The following TBC1D22A variants were observed in gnomAD, a reference collection of about 807,000 sequenced individuals.
TBC1D22A encodes putative GTPase activator.
Under a neutral mutation model 60.2 loss-of-function variants are expected in TBC1D22A, and 38 were observed. The observed-to-expected ratio is 0.63, with a 90% CI of 0.49 to 0.83. The LOEUF (loss-of-function observed/expected upper bound fraction) is 0.83, where lower values mean the gene tolerates loss of function less well. TBC1D22A is among the 40% of genes least tolerant of loss of function. The probability of loss-of-function intolerance (pLI) is 0.00; values close to 1 mark genes in which losing one functional copy is unlikely to be tolerated. For missense variants in TBC1D22A, 628 were observed against 701.0 expected (o/e 0.90, Z 1.18); for synonymous variants, 302 against 281.7 (o/e 1.07, Z -0.72).
chr22:46,905,845 A>G (rs919674836), intron 7 of TBC1D22A, among the ~76,000 whole-genome samples: 1 of 152,150 alleles, frequency 6.6e-6, no homozygotes, highest in Admixed American at 6.5e-5. Context: ...CGTGTCCCAG[A>G]CGTTCTCTGT....
At chr22:46,872,742 T>C (rs1222733694) in intron 4 of TBC1D22A, among the ~76,000 whole-genome samples, 1 of 151,662 alleles carries the variant, frequency 6.6e-6, no homozygotes, top group Non-Finnish European at 1.5e-5. Context: ...TGGAGCAGAG[T>C]GTTGGAGAGG....
chr22:47,053,067 G>C (rs539806149), intron 11 of TBC1D22A, among the ~76,000 whole-genome samples: 1 of 152,270 alleles, frequency 6.6e-6, no homozygotes, highest in East Asian at 1.9e-4. Flanking sequence ...CCTTCACTGT[G>C]TGTGAGTGCT....
intron 1 of TBC1D22A, chr22:46,763,842 C>G (rs1284521653): frequency 1.3e-5 from 2 of 152,176 alleles, no homozygotes; most frequent in Non-Finnish European, 1.5e-5. Flanking sequence ...CGCCTGTAAT[C>G]CCAGCACTTT....
intron 11 of TBC1D22A, among the ~76,000 whole-genome samples, chr22:47,092,564 C>T (rs535978495): frequency 6.6e-6 from 1 of 152,200 alleles, no homozygotes; most frequent in African/African-American, 2.4e-5. Context: ...GGGGTGAGCC[C>T]GTGTGTATGT....
intron 11 of TBC1D22A, among the ~76,000 whole-genome samples, chr22:47,076,353 ATGTGTGTG>A (rs1288517301): frequency 1.9e-5 from 2 of 107,774 alleles, no homozygotes; most frequent in Non-Finnish European, 3.8e-5. Flanking sequence ...ATATATATAT[ATGTGTGTG>A]TATATATATA....
intron 4 of TBC1D22A, among the ~76,000 whole-genome samples, chr22:46,826,832 C>T (rs775717745): frequency 6.6e-6 from 1 of 152,222 alleles, no homozygotes; most frequent in African/African-American, 2.4e-5. Context: ...CAGACGCTTG[C>T]CCCATCCAGA....
rs147775396 is a variant in TBC1D22A at position 46,984,810 on chromosome 22, C to T, written c.1125+10411C>T. Among the ~76,000 whole-genome samples, 1,117 of 152,336 alleles carry T rather than the reference C, an allele frequency of 7.3e-3. 15 individuals carry two copies. The highest frequency in any genetic ancestry group is 0.01 in the Non-Finnish European group (696 of 68,038). ...ACTCCTTTAGAGAAAGGTCAGGAAA[C>T]GGCCAGGCCCATGACTCGGGGTGGA... On this transcript the variant is annotated intron_variant, in intron 9 of 12. Coordinates refer to ENST00000337137, the MANE Select transcript of TBC1D22A (RefSeq NM_014346.5).
intron 8 of TBC1D22A, among the ~76,000 whole-genome samples, chr22:46,932,998 C>A (rs993297875): frequency 6.6e-6 from 1 of 152,184 alleles, no homozygotes; most frequent in Non-Finnish European, 1.5e-5. Flanking sequence ...GCTGGGATGA[C>A]AGGCGTGAGC....
chr22:46,793,783 C>A lies in TBC1D22A; in HGVS notation c.402C>A (p.Pro134=), dbSNP rs775180897. 8.1e-6 allele frequency: 13 copies of A among 1,601,372 alleles called. No individual in the cohort carries two copies. The East Asian group carries it at 1.4e-4, about 17-fold the overall frequency. The change falls in exon 3 of 13, where the codon CCC becomes CCA. Residue 134 remains proline, a synonymous_variant. Transcript: ENST00000337137. ...PRPEAEPPSP[P]SGDLRLVKSV... ...CCGAGGCAGAGCCGCCCTCACCCCC[C>A]AGCGGCGACCTCCGGCTGGTGAAGT...
chr22:47,110,785 G>A (rs2065817394), intron 11 of TBC1D22A, among the ~76,000 whole-genome samples: 1 of 152,210 alleles, frequency 6.6e-6, no homozygotes, highest in South Asian at 2.1e-4. Flanking sequence ...GCAGTTGGCC[G>A]TGCGTGCTTG....
chr22:47,167,072 G>A (rs1404372592), intron 12 of TBC1D22A, among the ~76,000 whole-genome samples: 1 of 152,236 alleles, frequency 6.6e-6, no homozygotes, highest in Non-Finnish European at 1.5e-5. Context: ...ATTTTGAAAA[G>A]ATTAGAATTT....
At chr22:47,110,472 C>T (rs538284950) in intron 11 of TBC1D22A, among the ~76,000 whole-genome samples, 40 of 152,150 alleles carry the variant, frequency 2.6e-4, no homozygotes, top group Non-Finnish European at 5.0e-4. Context: ...GAGCGAAATT[C>T]CATCTCAATA....
At chr22:47,033,988 G>A (rs1193219728) in intron 10 of TBC1D22A, among the ~76,000 whole-genome samples, 1 of 152,214 alleles carries the variant, frequency 6.6e-6, no homozygotes, top group African/African-American at 2.4e-5. Context: ...CGAGGGATGA[G>A]CAGCCGTGGG....
intron 4 of TBC1D22A, among the ~76,000 whole-genome samples, chr22:46,850,476 T>C (rs2087221449): frequency 6.6e-6 from 1 of 152,154 alleles, no homozygotes; most frequent in African/African-American, 2.4e-5. Flanking sequence ...TTGTACCCAC[T>C]AGGATGATTA....
intron 4 of TBC1D22A, among the ~76,000 whole-genome samples, chr22:46,866,250 G>A (rs140109892): frequency 0.021 from 3,163 of 152,200 alleles, 121 homozygotes; most frequent in African/African-American, 0.072. Flanking sequence ...GACTACAGGC[G>A]TGTGCCACCA....
Position 46,793,815 on chromosome 22 carries a change from G to T in TBC1D22A, c.434G>T (p.Ser145Ile). Reference protein sequence around the residue: ...SGDLRLVKSVSESHTSCPAES... With the variant: ...SGDLRLVKSVIESHTSCPAES... ...GACCTCCGGCTGGTGAAGTCGGTCA[G>T]TGAGAGCCACACGTCCTGTCCTGCA... is the stretch of plus-strand genomic sequence containing the variant. The change falls in exon 3 of 13, where the codon AGT becomes ATT. Residue 145 changes from serine (S) to isoleucine (I), a missense_variant. Coordinates refer to ENST00000337137, the MANE Select transcript of TBC1D22A (RefSeq NM_014346.5). The T allele has an allele frequency of 6.3e-7, 1 of 1,592,768 alleles. No individual in the cohort carries two copies. Among genetic ancestry groups the T allele is most frequent in the Non-Finnish European group, 8.5e-7 (1 of 1,170,202 alleles).
At chr22:47,148,905 C>T (rs903791206) in intron 12 of TBC1D22A, among the ~76,000 whole-genome samples, 11 of 149,108 alleles carry the variant, frequency 7.4e-5, no homozygotes, top group South Asian at 6.2e-4. Flanking sequence ...CTAGCCACAG[C>T]TTCCCATGTG....
At chr22:46,912,651 G>A (rs1191652565) in intron 8 of TBC1D22A, among the ~76,000 whole-genome samples, 1 of 152,162 alleles carries the variant, frequency 6.6e-6, no homozygotes, top group East Asian at 1.9e-4. Flanking sequence ...CTGCCTCCCG[G>A]GTTCAAGTGA....
intron 10 of TBC1D22A, among the ~76,000 whole-genome samples, chr22:47,032,804 G>C (rs895835234): frequency 1.3e-5 from 2 of 152,240 alleles, no homozygotes; most frequent in Non-Finnish European, 2.9e-5. Context: ...GCACCCACTT[G>C]CTGCAGCCCA....
Sources: allele counts gnomAD v4.1 joint callset (sites outside exome capture counted in the v4.1 genomes callset), GRCh38; gene constraint gnomAD v4.1.1; transcripts MANE v1.5; gene names NCBI Gene and HGNC (gene_info 2026-07-23, HGNC 2026-07-21).